The following SLC4A7 variants were observed in gnomAD, a reference collection of about 807,000 sequenced individuals.
SLC4A7 encodes the protein sodium bicarbonate cotransporter 3.
Under a neutral mutation model 137.6 loss-of-function variants are expected in SLC4A7, and 51 were observed. That is an observed-to-expected ratio of 0.37 (90% CI 0.30 to 0.47). The LOEUF (loss-of-function observed/expected upper bound fraction) is 0.47, where lower values mean the gene tolerates loss of function less well. SLC4A7 is among the 20% of genes least tolerant of loss of function. The pLI, the probability that SLC4A7 is intolerant of heterozygous loss-of-function variation, is 1.00. For synonymous variants in SLC4A7, 542 were observed against 518.6 expected, an observed-to-expected ratio of 1.05 and a Z score of -0.61; for missense variants, 1,247 against 1,525.4, an observed-to-expected ratio of 0.82 and a Z score of 3.04.
At chr3:27,401,301 TCA>T (rs2052720670) in intron 15 of SLC4A7, among the ~76,000 whole-genome samples, 2 of 152,084 alleles carry the variant, frequency 1.3e-5, no homozygotes, top group African/African-American at 4.8e-5. Flanking sequence ...CCCTACCTAC[TCA>T]CAGTCACCCT....
At position 27,426,528 on chromosome 3, in the gene SLC4A7, A is replaced by C. The variant is rs1022403079; in HGVS notation, c.1151-2376T>G. On this transcript the variant is annotated intron_variant, in intron 7 of 25. Transcript: ENST00000454389. ...CCACCTGTGTATATATATCATCAAA[A>C]GCATACATAACGCACAGTTTTCCAG... 2.0e-5 allele frequency among the ~76,000 whole-genome samples: 3 copies of C among 152,226 alleles called. No homozygotes were observed. The South Asian group carries it at 6.2e-4, about 32-fold the overall frequency.
intron 16 of SLC4A7, among the ~76,000 whole-genome samples, chr3:27,400,224 G>T (rs1214251479): frequency 6.6e-6 from 1 of 152,220 alleles, no homozygotes; most frequent in Non-Finnish European, 1.5e-5. Context: ...TCAGCACACA[G>T]TAGGTGTTCA....
chr3:27,449,794 T>C (rs1038812625), intron 2 of SLC4A7, among the ~76,000 whole-genome samples: 1 of 152,202 alleles, frequency 6.6e-6, no homozygotes, highest in Non-Finnish European at 1.5e-5. Context: ...TGTACACAAT[T>C]TAAAAAGTTA....
intron 18 of SLC4A7, among the ~76,000 whole-genome samples, chr3:27,396,564 T>C (rs1207841418): frequency 6.6e-6 from 1 of 152,106 alleles, no homozygotes; most frequent in African/African-American, 2.4e-5. Context: ...GGCAGATCAT[T>C]TTCCACCTGT....
intron 22 of SLC4A7, among the ~76,000 whole-genome samples, chr3:27,389,123 T>C (rs1272592141): frequency 1.3e-5 from 2 of 152,160 alleles, no homozygotes; most frequent in Non-Finnish European, 2.9e-5. Flanking sequence ...TTAGTTGCAT[T>C]GAAGTCTTCT....
chr3:27,379,022 G>A (rs924934725), intron 25 of SLC4A7, among the ~76,000 whole-genome samples: 12 of 152,258 alleles, frequency 7.9e-5, no homozygotes, highest in South Asian at 2.1e-4. Context: ...TGATCTGCCC[G>A]CTTCAGCCTC....
intron 4 of SLC4A7, 82 bp downstream of exon 4, chr3:27,437,306 G>A (rs3732608): frequency 0.15 from 126,948 of 824,386 alleles, 10,897 homozygotes; most frequent in Admixed American, 0.28. Flanking sequence ...AGCCCAGATC[G>A]CACCATCGCA....
chr3:27,477,297 A>C (rs1315866849), intron 1 of SLC4A7, among the ~76,000 whole-genome samples: 1 of 152,244 alleles, frequency 6.6e-6, no homozygotes, highest in Non-Finnish European at 1.5e-5. Context: ...GGTGAACAGC[A>C]GCTAACTTTT....
At chr3:27,420,845 G>T (rs757040436) in intron 9 of SLC4A7, 58 bp from the exon 10 acceptor site, 7 of 1,153,458 alleles carry the variant, frequency 6.1e-6, no homozygotes, top group Non-Finnish European at 8.9e-6. Flanking sequence ...ACAAAGCTAG[G>T]CAATCATAAA....
In SLC4A7 at chr3:27,420,749, G is replaced by A. The variant is rs2054883831; in HGVS notation, c.1463C>T (p.Pro488Leu). 1.2e-6 allele frequency: 2 copies of A among 1,613,400 alleles called. No homozygotes were observed. Among genetic ancestry groups the A allele is most frequent in the South Asian group, 1.1e-5 (1 of 91,058 alleles). ...TGATCGTCCAATTTCATGGTACTGTGGTGCCTTGCCCGCTGGACCCAATAA... is the reference window on the plus strand; with the variant it reads ...TGATCGTCCAATTTCATGGTACTGTAGTGCCTTGCCCGCTGGACCCAATAA... ...FLLLGPAGKAPQYHEIGRSIA... is the reference protein window; with the variant it reads ...FLLLGPAGKALQYHEIGRSIA... The change falls in exon 10 of 26, where the codon CCA becomes CTA. Residue 488 changes from proline (P) to leucine (L), a missense_variant. Physicochemically the swap from Pro to Leu is moderately conservative, Grantham distance 98 (BLOSUM62 -3). Transcript: ENST00000454389.
chr3:27,399,043 A>G (rs1320972812), intron 16 of SLC4A7, among the ~76,000 whole-genome samples: 3 of 151,762 alleles, frequency 2.0e-5, no homozygotes, highest in Non-Finnish European at 2.9e-5. Flanking sequence ...ATCAGAGATT[A>G]ATAGAAGCAC....
intron 14 of SLC4A7, 26 bp downstream of exon 14, chr3:27,404,804 G>A (rs781176647): frequency 2.0e-6 from 3 of 1,527,334 alleles, no homozygotes; most frequent in East Asian, 4.6e-5. Flanking sequence ...TAACACATGT[G>A]ATAAGTAGAG....
rs893973789 is a variant in SLC4A7 at position 27,448,716 on chromosome 3, T to C, written c.224A>G (p.His75Arg). The change falls in exon 3 of 26, where the codon CAT (histidine) becomes CGT (arginine). Residue 75 changes from histidine (H) to arginine (R), a missense_variant. Physicochemically the swap from His to Arg is conservative, Grantham distance 29 (BLOSUM62 0). Coordinates refer to ENST00000454389, the MANE Select transcript of SLC4A7 (RefSeq NM_001321103.2). ...RRRHRHRGHK[H>R]HHRRRKDKES... ...TTTATCTTTTCTTCTCCGGTGGTGA[T>C]GTTTGTGTCCGCGATGCCTATGACG... The C allele has an allele frequency of 2.5e-6, 4 of 1,613,278 alleles. No homozygotes were observed. The African/African-American group carries it at 4.0e-5, about 16-fold the overall frequency.
intron 1 of SLC4A7, among the ~76,000 whole-genome samples, chr3:27,466,229 A>G (rs2058988759): frequency 6.6e-6 from 1 of 151,672 alleles, no homozygotes; most frequent in Non-Finnish European, 1.5e-5. Flanking sequence ...AGGCGGGCGG[A>G]TCACGAGGTC....
rs1247192262 is a variant in SLC4A7, at chr3:27,390,745, C to T, written c.3187-641G>A. On this transcript the variant is annotated intron_variant, in intron 21 of 25. Coordinates refer to ENST00000454389, the MANE Select transcript of SLC4A7 (RefSeq NM_001321103.2). ...CTGCCACTAGCCTATGAGTTGGAAA[C>T]TTTAGACAACATCCTTTTCATGAGA... is the stretch of plus-strand genomic sequence containing the variant. Among the ~76,000 whole-genome samples the T allele has an allele frequency of 2.0e-5, 3 of 152,190 alleles. No individual in the cohort carries two copies. The East Asian group carries it at 5.8e-4, about 29-fold the overall frequency.
intron 15 of SLC4A7, among the ~76,000 whole-genome samples, chr3:27,402,673 T>G (rs980830424): frequency 6.7e-6 from 1 of 148,980 alleles, no homozygotes; most frequent in Non-Finnish European, 1.5e-5. Context: ...CACTCCAGCC[T>G]GGGCAACAGA....
chr3:27,389,608 C>T (rs1298945630), intron 22 of SLC4A7, among the ~76,000 whole-genome samples: 1 of 152,012 alleles, frequency 6.6e-6, no homozygotes, highest in Admixed American at 6.6e-5. Context: ...AATAATGAAC[C>T]ATGTTGTTTT....
intron 1 of SLC4A7, among the ~76,000 whole-genome samples, chr3:27,476,863 T>C (rs1407405683): frequency 1.3e-5 from 2 of 152,188 alleles, no homozygotes; most frequent in Non-Finnish European, 2.9e-5. Flanking sequence ...CATAACAGAC[T>C]AATACATCAT....
intron 23 of SLC4A7, 105 bp from the exon 24 acceptor site, chr3:27,383,355 TTAAATA>T: frequency 3.8e-6 from 3 of 798,572 alleles, no homozygotes; most frequent in South Asian, 3.1e-5. Context: ...CTGACATTAT[TTAAATA>T]TAACTGCCAT....
Sources: gnomAD v4.1 joint callset for allele counts (sites outside exome capture counted in the v4.1 genomes callset) on GRCh38, gnomAD v4.1.1 for gene constraint, MANE v1.5 for transcripts, NCBI Gene and HGNC (gene_info 2026-07-23, HGNC 2026-07-21) for gene names.